Variants in SHISA9 observed in about 807,000 individuals in gnomAD.
SHISA9 encodes the protein shisa family member 9.
SHISA9 carries 13 observed loss-of-function variants against 38.0 expected under a neutral mutation model. The observed-to-expected ratio is 0.34, with a 90% CI of 0.22 to 0.54. The LOEUF (loss-of-function observed/expected upper bound fraction) is 0.54, where lower values mean the gene tolerates loss of function less well. Ranked by LOEUF, SHISA9 falls within the 20% of genes least tolerant of loss-of-function variation. The pLI is 0.91. For missense variants in SHISA9, 538 were observed against 575.8 expected, an observed-to-expected ratio of 0.93 and a Z score of 0.67; for synonymous variants, 275 against 242.0, an observed-to-expected ratio of 1.14 and a Z score of -1.27.
At chr16:13,270,191 A>T in the SHISA9 span, among the ~76,000 whole-genome samples, 2 of 152,100 alleles carry the variant, frequency 1.3e-5, no homozygotes, top group East Asian at 1.9e-4. Flanking sequence ...ATTTCCCCTG[A>T]TGGTGAGGGT....
In SHISA9 at chr16:13,206,711, C is replaced by T. The variant is rs371100529; in HGVS notation, c.847+3162C>T. Among the ~76,000 whole-genome samples, 11 of 152,346 alleles carry T rather than the reference C, an allele frequency of 7.2e-5. No homozygotes were observed. The East Asian group carries it at 2.1e-3, about 29-fold the overall frequency. ...ACACAGGCTTTTCTAAATCTGAAGC[C>T]TTGTAAGACCCTACGTACTGGTTAC... On this transcript the variant is annotated intron_variant, in intron 3 of 4. Coordinates refer to ENST00000558583, the MANE Select transcript of SHISA9 (RefSeq NM_001145204.3).
chr16:12,929,081 A>C (rs1034650283), intron 2 of SHISA9, among the ~76,000 whole-genome samples: 3 of 152,252 alleles, frequency 2.0e-5, no homozygotes, highest in Non-Finnish European at 4.4e-5. Flanking sequence ...AATGAAAGCC[A>C]CAATGAGATA....
chr16:13,480,358 A>G, the SHISA9 span, among the ~76,000 whole-genome samples: 1 of 152,102 alleles, frequency 6.6e-6, no homozygotes, highest in Admixed American at 6.5e-5. Context: ...CATCTGGTCA[A>G]AACCAGGACC....
chr16:13,491,704 G>C, the SHISA9 span, among the ~76,000 whole-genome samples: 1 of 150,892 alleles, frequency 6.6e-6, no homozygotes, highest in Admixed American at 6.6e-5. Context: ...TGGCCAGGCT[G>C]GTCTCAAACT....
the SHISA9 span, among the ~76,000 whole-genome samples, chr16:13,303,989 A>C: frequency 6.6e-6 from 1 of 152,116 alleles, no homozygotes; most frequent in Non-Finnish European, 1.5e-5. Context: ...GGTGATATTA[A>C]TTGTTTAGGG....
the SHISA9 span, among the ~76,000 whole-genome samples, chr16:13,447,287 A>G: frequency 1.3e-5 from 2 of 152,184 alleles, no homozygotes; most frequent in African/African-American, 4.8e-5. Flanking sequence ...TGCAGGAACA[A>G]CAGGGGGGTT....
intron 2 of SHISA9, among the ~76,000 whole-genome samples, chr16:13,189,030 G>T (rs1254979854): frequency 2.0e-5 from 3 of 152,136 alleles, no homozygotes; most frequent in African/African-American, 7.2e-5. Context: ...AAATGTCAAA[G>T]GTTGCCAGGT....
chr16:13,278,147 T>C, the SHISA9 span, among the ~76,000 whole-genome samples: 4 of 152,060 alleles, frequency 2.6e-5, no homozygotes, highest in Non-Finnish European at 5.9e-5. Context: ...TTTTGTCGAA[T>C]GCTTTTTCTG....
At chr16:13,112,976 A>G (rs997659768) in intron 2 of SHISA9, among the ~76,000 whole-genome samples, 4 of 152,006 alleles carry the variant, frequency 2.6e-5, no homozygotes, top group African/African-American at 9.7e-5. Context: ...TTGGGAGGCC[A>G]AGGCAGGCAG....
intron 2 of SHISA9, among the ~76,000 whole-genome samples, chr16:13,011,251 C>A (rs940861424): frequency 6.6e-6 from 1 of 150,744 alleles, no homozygotes; most frequent in East Asian, 1.9e-4. Context: ...TTATGAGATG[C>A]GTGTAGATAG....
intron 2 of SHISA9, among the ~76,000 whole-genome samples, chr16:13,003,764 A>T (rs1211617184): frequency 7.9e-5 from 12 of 152,184 alleles, no homozygotes. Context: ...AGGCTGAGCC[A>T]GGAGAATCGC....
intron 2 of SHISA9, among the ~76,000 whole-genome samples, chr16:13,008,644 TCC>T (rs2072629123): frequency 3.9e-5 from 1 of 25,572 alleles, no homozygotes; most frequent in African/African-American, 1.7e-4. Context: ...CCTCCCTCCC[TCC>T]CTCCCTCCCT....
chr16:13,159,931 TAA>T (rs1488486058), intron 2 of SHISA9, among the ~76,000 whole-genome samples: 3 of 152,358 alleles, frequency 2.0e-5, no homozygotes, highest in African/African-American at 7.2e-5. Context: ...GCACTGGAAA[TAA>T]AGTAAGTCAT....
chr16:13,534,901 T>A, the SHISA9 span, among the ~76,000 whole-genome samples: 11 of 152,176 alleles, frequency 7.2e-5, no homozygotes, highest in African/African-American at 2.7e-4. Context: ...TAATATCACC[T>A]ATATGTTGAT....
At chr16:13,201,906 A>G (rs566409342) in intron 2 of SHISA9, among the ~76,000 whole-genome samples, 2 of 108,068 alleles carry the variant, frequency 1.9e-5, no homozygotes, top group Non-Finnish European at 1.9e-5. Context: ...AAATGGGTTC[A>G]CATACTAGAT....
At chr16:12,977,811 C>T (rs1195121683) in intron 2 of SHISA9, among the ~76,000 whole-genome samples, 1 of 151,388 alleles carries the variant, frequency 6.6e-6, no homozygotes, top group African/African-American at 2.4e-5. Flanking sequence ...ACACTGAGGC[C>T]TATTGAGGGT....
chr16:13,399,112 A>G, the SHISA9 span, among the ~76,000 whole-genome samples: 2 of 152,020 alleles, frequency 1.3e-5, no homozygotes, highest in Non-Finnish European at 2.9e-5. Context: ...AAAATTAGCC[A>G]GGCTTGGTGG....
chr16:13,027,344 G>T (rs2072935300), intron 2 of SHISA9, among the ~76,000 whole-genome samples: 1 of 152,170 alleles, frequency 6.6e-6, no homozygotes, highest in African/African-American at 2.4e-5. Flanking sequence ...AATCTAGCTA[G>T]TTAGAGGTGC....
chr16:13,416,743 A>AAGGAAGGAAGG, the SHISA9 span, among the ~76,000 whole-genome samples: 2 of 113,442 alleles, frequency 1.8e-5, no homozygotes, highest in Admixed American at 9.9e-5. Flanking sequence ...AGAAAGAAAG[A>AAGGAAGGAAGG]AAGGAAGGAA....
Sources: allele counts gnomAD v4.1 joint callset (sites outside exome capture counted in the v4.1 genomes callset), GRCh38; gene constraint gnomAD v4.1.1; transcripts MANE v1.5; gene names NCBI Gene and HGNC (gene_info 2026-07-23, HGNC 2026-07-21).